Variants in CBLB observed in about 807,000 individuals in gnomAD.
CBLB encodes the protein E3 ubiquitin-protein ligase CBL-B.
A neutral mutation model predicts 104.9 loss-of-function variants in CBLB; 31 were observed. The observed-to-expected ratio is 0.30, with a 90% CI of 0.22 to 0.40. CBLB has a LOEUF of 0.40. Ranked by LOEUF, CBLB falls within the 10% of genes least tolerant of loss-of-function variation. CBLB has a pLI of 1.00. For missense variants in CBLB, 1,062 were observed against 1,214.6 expected (o/e 0.87, Z 1.87); for synonymous variants, 440 against 422.6 (o/e 1.04, Z -0.51).
At chr3:105,754,448 T>C (rs150765466) in intron 4 of CBLB, among the ~76,000 whole-genome samples, 40 of 144,912 alleles carry the variant, frequency 2.8e-4, no homozygotes, top group Admixed American at 2.3e-3. Flanking sequence ...TTTACAAATG[T>C]AGAAATTTCA....
intron 4 of CBLB, among the ~76,000 whole-genome samples, chr3:105,755,720 T>G (rs941672936): frequency 4.6e-5 from 7 of 152,134 alleles, no homozygotes; most frequent in Admixed American, 2.0e-4. Flanking sequence ...GGAAACAAAT[T>G]TCAAAAGCCT....
At chr3:105,797,674 T>C (rs991445194) in intron 3 of CBLB, among the ~76,000 whole-genome samples, 2 of 152,086 alleles carry the variant, frequency 1.3e-5, no homozygotes, top group Non-Finnish European at 2.9e-5. Flanking sequence ...TCAATAAATA[T>C]TCAGTTGTCC....
intron 3 of CBLB, among the ~76,000 whole-genome samples, chr3:105,789,807 G>C (rs894541): frequency 0.17 from 26,151 of 151,574 alleles, 2,641 homozygotes; most frequent in Admixed American, 0.28. Flanking sequence ...ATATTGGCTT[G>C]TCTAGTTCTA....
At chr3:105,809,682 A>G (rs1011975616) in intron 3 of CBLB, among the ~76,000 whole-genome samples, 6 of 152,178 alleles carry the variant, frequency 3.9e-5, no homozygotes, top group African/African-American at 1.4e-4. Flanking sequence ...ATAAACCCCA[A>G]GCTGCCCCAG....
At chr3:105,760,670 T>C (rs952115392) in intron 4 of CBLB, among the ~76,000 whole-genome samples, 4 of 151,464 alleles carry the variant, frequency 2.6e-5, no homozygotes, top group African/African-American at 4.8e-5. Flanking sequence ...TCTCTCAACA[T>C]GAGCCAATTA....
At chr3:105,787,023 T>G (rs1252144948) in intron 3 of CBLB, among the ~76,000 whole-genome samples, 3 of 152,202 alleles carry the variant, frequency 2.0e-5, no homozygotes, top group African/African-American at 7.2e-5. Context: ...CCTGTCTTTT[T>G]AAAGCATTGA....
chr3:105,853,923 T>A (rs1411603926), intron 2 of CBLB, among the ~76,000 whole-genome samples: 1 of 152,212 alleles, frequency 6.6e-6, no homozygotes, highest in African/African-American at 2.4e-5. Context: ...TACCTCATTG[T>A]GCATAGCTTA....
chr3:105,704,609 T>G (rs755982641), intron 10 of CBLB, among the ~76,000 whole-genome samples: 4 of 152,158 alleles, frequency 2.6e-5, no homozygotes, highest in African/African-American at 9.7e-5. Flanking sequence ...ATGTATCTTG[T>G]ATGTAGTCTA....
chr3:105,663,193 G>GTTACTGCTGTTACTATTTGAGACCT (rs2063995526), intron 18 of CBLB, among the ~76,000 whole-genome samples: 2 of 64,034 alleles, frequency 3.1e-5, no homozygotes, highest in Middle Eastern at 8.6e-3. Context: ...ATTTGAGACA[G>GTTACTGCTGTTACTATTTGAGACCT]TCATTACAAC....
intron 14 of CBLB, chr3:105,682,183 C>T (rs1345768344): frequency 4.6e-6 from 1 of 216,032 alleles, no homozygotes; most frequent in Non-Finnish European, 9.3e-6. Flanking sequence ...AAACATATAG[C>T]AGTCTCAATG....
At chr3:105,737,322 T>C in intron 7 of CBLB, 64 bp from the exon 8 acceptor site, 2 of 796,798 alleles carry the variant, frequency 2.5e-6, no homozygotes, top group Non-Finnish European at 4.1e-6. Flanking sequence ...TAAGGATATT[T>C]AATCAAATTT....
intron 2 of CBLB, among the ~76,000 whole-genome samples, chr3:105,859,510 C>T (rs921177762): frequency 1.3e-5 from 2 of 151,922 alleles, no homozygotes; most frequent in Non-Finnish European, 2.9e-5. Context: ...ACAAAATTAG[C>T]AGGGTGTGGT....
At chr3:105,869,020 C>T (rs1706699789), upstream of CBLB, 2 of 1,093,788 alleles carry the variant, frequency 1.8e-6, no homozygotes, top group East Asian at 2.0e-4. Flanking sequence ...GACACCCCAC[C>T]CCTGTGGCAC....
At chr3:105,694,961 C>A (rs1289083753) in intron 12 of CBLB, among the ~76,000 whole-genome samples, 1 of 151,628 alleles carries the variant, frequency 6.6e-6, no homozygotes, top group African/African-American at 2.4e-5. Context: ...TAATAAAATC[C>A]TTTAACATAA....
intron 3 of CBLB, among the ~76,000 whole-genome samples, chr3:105,826,918 A>G (rs2086664787): frequency 6.6e-6 from 1 of 151,922 alleles, no homozygotes; most frequent in Non-Finnish European, 1.5e-5. Context: ...AAGAAAGACT[A>G]TGTGTGTTCA....
At chr3:105,832,554 C>T (rs935157672) in intron 3 of CBLB, among the ~76,000 whole-genome samples, 1 of 152,128 alleles carries the variant, frequency 6.6e-6, no homozygotes, top group African/African-American at 2.4e-5. Flanking sequence ...AAAATAAATA[C>T]CTCTCAACCA....
chr3:105,736,788 T>C (rs1260319879), intron 8 of CBLB, among the ~76,000 whole-genome samples: 1 of 152,130 alleles, frequency 6.6e-6, no homozygotes, highest in East Asian at 1.9e-4. Flanking sequence ...GCAATGGATT[T>C]AGAAAAACAT....
At chr3:105,862,878 C>T (rs1290562401) in intron 2 of CBLB, among the ~76,000 whole-genome samples, 1 of 152,078 alleles carries the variant, frequency 6.6e-6, no homozygotes, top group African/African-American at 2.4e-5. Context: ...CATTCTACAC[C>T]AACTTTTCAC....
intron 4 of CBLB, among the ~76,000 whole-genome samples, chr3:105,767,923 C>A (rs1375322120): frequency 6.6e-6 from 1 of 152,184 alleles, no homozygotes; most frequent in East Asian, 1.9e-4. Context: ...GCAGAGCCTG[C>A]ATGCCAAACC....
Sources: allele counts gnomAD v4.1 joint callset (sites outside exome capture counted in the v4.1 genomes callset), GRCh38; gene constraint gnomAD v4.1.1; transcripts MANE v1.5; gene names NCBI Gene and HGNC (gene_info 2026-07-23, HGNC 2026-07-21).